The following RBFOX1 variants were observed in gnomAD, a reference collection of about 807,000 sequenced individuals.
RBFOX1 encodes RNA binding protein fox-1 homolog 1.
In RBFOX1, 8 loss-of-function variants were observed where a neutral mutation model predicts 57.7. The ratio of observed to expected loss-of-function variants is 0.14; its 90% confidence interval spans 0.08 to 0.25. RBFOX1 has a LOEUF of 0.25. Among genes scored for constraint, RBFOX1 ranks in the 10% least tolerant of loss-of-function variants. The pLI is 1.00. For missense variants in RBFOX1, 611 were observed against 548.5 expected (o/e 1.11, Z -1.14); for synonymous variants, 326 against 222.4 (o/e 1.47, Z -4.15).
chr16:6,420,010 C>G (rs2093730266), intron 2 of RBFOX1, among the ~76,000 whole-genome samples: 1 of 152,132 alleles, frequency 6.6e-6, no homozygotes, highest in Non-Finnish European at 1.5e-5. Context: ...TGTTAAAAAT[C>G]TTAATGGATC....
chr16:7,475,986 G>A (rs1463698375), intron 4 of RBFOX1, among the ~76,000 whole-genome samples: 5 of 151,996 alleles, frequency 3.3e-5, no homozygotes. Context: ...TTATTTTTGA[G>A]ACAGGGTCTC....
chr16:6,562,880 C>CTTTCTTTCTTTCTTTCTT (rs746999419), intron 2 of RBFOX1, among the ~76,000 whole-genome samples: 1 of 51,766 alleles, frequency 1.9e-5, no homozygotes, highest in Non-Finnish European at 4.0e-5. Flanking sequence ...TTCTTTCTTT[C>CTTTCTTTCTTTCTTTCTT]TTTTTTTTTT....
chr16:7,162,650 A>T (rs1271367208), intron 4 of RBFOX1, among the ~76,000 whole-genome samples: 3 of 151,906 alleles, frequency 2.0e-5, no homozygotes, highest in Non-Finnish European at 4.4e-5. Flanking sequence ...AATGGCTTGA[A>T]CCTGGGAGAC....
intron 4 of RBFOX1, among the ~76,000 whole-genome samples, chr16:7,441,744 T>C (rs554221307): frequency 3.4e-4 from 52 of 152,328 alleles, no homozygotes; most frequent in African/African-American, 2.4e-5. Flanking sequence ...GCTGGAGCTC[T>C]GTAGCACCTG....
intron 2 of RBFOX1, among the ~76,000 whole-genome samples, chr16:5,488,370 A>G (rs1359358523): frequency 1.3e-5 from 2 of 148,610 alleles, no homozygotes; most frequent in African/African-American, 2.5e-5. Context: ...GATGATGGTG[A>G]TGATGATGGT....
chr16:5,569,300 A>G (rs148699422), intron 2 of RBFOX1, among the ~76,000 whole-genome samples: 2 of 151,982 alleles, frequency 1.3e-5, no homozygotes, highest in African/African-American at 2.4e-5. Context: ...AAAAAAGACA[A>G]ATTTGAAGCT....
At chr16:7,071,895 A>G (rs897723689) in intron 4 of RBFOX1, among the ~76,000 whole-genome samples, 16 of 152,156 alleles carry the variant, frequency 1.1e-4, no homozygotes, top group Non-Finnish European at 2.1e-4. Context: ...TGTTGAGACC[A>G]GAAGCTCAGC....
intron 4 of RBFOX1, among the ~76,000 whole-genome samples, chr16:5,927,758 A>C (rs1318402440): frequency 2.0e-5 from 3 of 152,240 alleles, no homozygotes; most frequent in Non-Finnish European, 4.4e-5. Context: ...ATGGAATACT[A>C]TTCAGCCTTG....
intron 1 of RBFOX1, among the ~76,000 whole-genome samples, chr16:5,314,433 A>G (rs991296316): frequency 6.6e-6 from 1 of 152,246 alleles, no homozygotes; most frequent in African/African-American, 2.4e-5. Flanking sequence ...AAGCAGCACC[A>G]GGGCTGACCG....
intron 1 of RBFOX1, among the ~76,000 whole-genome samples, chr16:6,058,230 T>C (rs143975929): frequency 6.0e-4 from 92 of 152,246 alleles, no homozygotes; most frequent in African/African-American, 2.0e-3. Context: ...TGAGTGTTTA[T>C]TGGTTTTCAT....
intron 2 of RBFOX1, among the ~76,000 whole-genome samples, chr16:5,516,180 A>T (rs1323588103): frequency 6.6e-6 from 1 of 152,236 alleles, no homozygotes; most frequent in Non-Finnish European, 1.5e-5. Flanking sequence ...AAGGGAGTCA[A>T]GCTTGATGGA....
At chr16:7,066,260 C>T (rs752692741) in intron 4 of RBFOX1, among the ~76,000 whole-genome samples, 113 of 152,164 alleles carry the variant, frequency 7.4e-4, no homozygotes, top group Non-Finnish European at 1.1e-3. Flanking sequence ...GGTCTATATT[C>T]ACTTGTTTTG....
chr16:6,982,111 A>G (rs2089066069), intron 3 of RBFOX1, among the ~76,000 whole-genome samples: 2 of 152,184 alleles, frequency 1.3e-5, no homozygotes, highest in African/African-American at 4.8e-5. Flanking sequence ...CCCCGCACCA[A>G]TGACTAAACC....
intron 2 of RBFOX1, among the ~76,000 whole-genome samples, chr16:5,577,641 G>T (rs74505143): frequency 0.086 from 13,093 of 152,124 alleles, 1,706 homozygotes; most frequent in African/African-American, 0.28. Flanking sequence ...GGTCTCGAAT[G>T]GATCATTTGC....
At chr16:7,142,815 T>C (rs185875624) in intron 4 of RBFOX1, among the ~76,000 whole-genome samples, 9 of 152,320 alleles carry the variant, frequency 5.9e-5, no homozygotes, top group Admixed American at 2.0e-4. Flanking sequence ...CAGTATTGAA[T>C]GAATGAAAGA....
In RBFOX1 at chr16:6,961,300, C is replaced by T. The variant is rs369226205; in HGVS notation, c.-15-90757C>T. ...CAGAGGAGAGGAGAGCTAAGCAATGCAGACAGTCCTGGCCATGCAAGTGGA... is the reference window on the plus strand; with the variant it reads ...CAGAGGAGAGGAGAGCTAAGCAATGTAGACAGTCCTGGCCATGCAAGTGGA... On this transcript the variant is annotated intron_variant, in intron 3 of 15. Transcript: ENST00000550418. 4.7e-4 allele frequency among the ~76,000 whole-genome samples: 71 copies of T among 152,344 alleles called. 1 individual carries two copies. The South Asian group carries it at 0.014, about 31-fold the overall frequency.
chr16:5,799,539 C>G (rs2054990878), intron 3 of RBFOX1, among the ~76,000 whole-genome samples: 2 of 152,134 alleles, frequency 1.3e-5, no homozygotes, highest in African/African-American at 4.8e-5. Flanking sequence ...CACAACCATT[C>G]TGTTTTTTTC....
At chr16:6,826,054 A>G (rs1419954352) in intron 3 of RBFOX1, among the ~76,000 whole-genome samples, 1 of 151,924 alleles carries the variant, frequency 6.6e-6, no homozygotes, top group East Asian at 1.9e-4. Flanking sequence ...GTCCACGTTC[A>G]TTGCCCAGGT....
chr16:6,628,810 A>G (rs12596029), intron 2 of RBFOX1, among the ~76,000 whole-genome samples: 132,174 of 152,178 alleles, frequency 0.87, 58,033 homozygotes, highest in Middle Eastern at 0.99. Flanking sequence ...TATGATCTGT[A>G]TGTTTATTAG....
Sources: gnomAD v4.1 joint callset for allele counts (sites outside exome capture counted in the v4.1 genomes callset) on GRCh38, gnomAD v4.1.1 for gene constraint, MANE v1.5 for transcripts, NCBI Gene and HGNC (gene_info 2026-07-23, HGNC 2026-07-21) for gene names.